CCSER1: variants seen among roughly 807,000 people sequenced by gnomAD.
The protein encoded by CCSER1 is serine-rich coiled-coil domain-containing protein 1.
CCSER1 carries 41 observed loss-of-function variants against 82.0 expected under a neutral mutation model. The ratio of observed to expected loss-of-function variants is 0.50; its 90% CI spans 0.39 to 0.65. CCSER1 has a LOEUF of 0.65. CCSER1 is among the 30% of genes least tolerant of loss of function. CCSER1 has a pLI of 0.00. For synonymous variants in CCSER1, 414 were observed against 383.9 expected, an observed-to-expected ratio of 1.08 and a Z score of -0.92; for missense variants, 1,119 against 1,064.2, an observed-to-expected ratio of 1.05 and a Z score of -0.72.
chr4:91,413,091 A>T (rs13115481), intron 10 of CCSER1, among the ~76,000 whole-genome samples: 7 of 152,174 alleles, frequency 4.6e-5, no homozygotes, highest in Admixed American at 1.3e-4. Context: ...ATAGAAATTT[A>T]AAAAATTAAT....
chr4:90,353,898 A>G (rs1743947475), intron 3 of CCSER1, among the ~76,000 whole-genome samples: 1 of 152,180 alleles, frequency 6.6e-6, no homozygotes, highest in South Asian at 2.1e-4. Flanking sequence ...TTAAAAATAG[A>G]TCTGTCATAT....
chr4:90,904,251 A>G (rs1010520300), intron 8 of CCSER1, among the ~76,000 whole-genome samples: 18 of 152,126 alleles, frequency 1.2e-4, no homozygotes, highest in South Asian at 2.1e-4. Context: ...CAGTGCCAAT[A>G]CCAACTGTAA....
At chr4:91,064,166 G>A (rs768352303) in intron 9 of CCSER1, among the ~76,000 whole-genome samples, 1 of 152,082 alleles carries the variant, frequency 6.6e-6, no homozygotes, top group African/African-American at 2.4e-5. Flanking sequence ...TGTAACATTG[G>A]GTTATTCAGC....
chr4:90,918,446 T>C, intron 8 of CCSER1: 1 of 339,006 alleles, frequency 2.9e-6, no homozygotes, highest in Non-Finnish European at 5.8e-6. Flanking sequence ...ATATCCCTAG[T>C]CACTTGAGAC....
chr4:91,121,919 A>G (rs1388479082), intron 10 of CCSER1, among the ~76,000 whole-genome samples: 2 of 151,704 alleles, frequency 1.3e-5, no homozygotes, highest in Admixed American at 1.3e-4. Context: ...GTCAAAAGAA[A>G]TTAAGTAGAA....
chr4:90,260,838 C>T (rs1314264661), intron 1 of CCSER1, among the ~76,000 whole-genome samples: 2 of 152,186 alleles, frequency 1.3e-5, no homozygotes, highest in Admixed American at 6.5e-5. Context: ...GCCTCAGCCT[C>T]CCGAGTAGCT....
chr4:90,773,639 C>T (rs1385629427), intron 7 of CCSER1, among the ~76,000 whole-genome samples: 1 of 152,068 alleles, frequency 6.6e-6, no homozygotes, highest in South Asian at 2.1e-4. Context: ...GAATGGAAAA[C>T]CAGGTGTTGG....
intron 10 of CCSER1, among the ~76,000 whole-genome samples, chr4:91,214,009 C>G (rs1737041988): frequency 6.6e-6 from 1 of 152,112 alleles, no homozygotes; most frequent in Non-Finnish European, 1.5e-5. Context: ...ACTTAGAGAA[C>G]TAGACCTTAT....
intron 9 of CCSER1, among the ~76,000 whole-genome samples, chr4:91,014,640 AAGCCAGATTCTTAT>A (rs1739266811): frequency 2.4e-5 from 2 of 82,784 alleles, no homozygotes; most frequent in East Asian, 5.1e-4. Context: ...CTTTTTAACA[AAGCCAGATTCTTAT>A]TTTTTGACAA....
intron 10 of CCSER1, among the ~76,000 whole-genome samples, chr4:91,426,469 T>G (rs1753978925): frequency 6.6e-6 from 1 of 152,038 alleles, no homozygotes; most frequent in Admixed American, 6.6e-5. Context: ...CCACACTGTC[T>G]TCCACAATGG....
rs771267852 is a variant in CCSER1, at chr4:90,932,982, G to GAAAGAGAAAGAA, written c.2172+9536_2172+9537insAAGAGAAAGAAA. ...AGAAAGAAAGAAAGAAAGAAAGAAA[G>GAAAGAGAAAGAA]AGAAAGAAAGAAAGAAAGAAAGAAA... On this transcript the variant is annotated intron_variant, in intron 9 of 10. Coordinates refer to ENST00000509176, the MANE Select transcript of CCSER1 (RefSeq NM_001145065.2). Among the ~76,000 whole-genome samples, 4 of 18,862 alleles carry GAAAGAGAAAGAA rather than the reference G, an allele frequency of 2.1e-4. No individual in the cohort carries two copies. In the East Asian group the frequency reaches 3.7e-3, roughly 17 times the overall value. 12.4% of individuals were successfully genotyped at this position (18,862 alleles called of 152,430 possible).
At chr4:91,216,993 G>A (rs1404532128) in intron 10 of CCSER1, among the ~76,000 whole-genome samples, 2 of 152,132 alleles carry the variant, frequency 1.3e-5, no homozygotes, top group Non-Finnish European at 2.9e-5. Context: ...GAATGAAGCC[G>A]CGGACCCTCG....
At chr4:91,487,988 AAATT>A (rs1758311974) in intron 10 of CCSER1, among the ~76,000 whole-genome samples, 1 of 152,082 alleles carries the variant, frequency 6.6e-6, no homozygotes, top group Admixed American at 6.5e-5. Context: ...AATTAATAAA[AAATT>A]AAATACGATC....
rs548529001 is a variant in CCSER1 at position 90,238,400 on chromosome 4, A to G, written c.-41-69844A>G. Among the ~76,000 whole-genome samples the G allele has an allele frequency of 1.8e-4, 28 of 152,344 alleles. No homozygotes were observed. The South Asian group carries it at 5.0e-3, about 27-fold the overall frequency. ...AATGAAGTAAAGCTTGTGAGGTATT[A>G]GAGAGCTCAGTCTGGCATTGTACAA... On this transcript the variant is annotated intron_variant, in intron 1 of 10. Coordinates refer to ENST00000509176, the MANE Select transcript of CCSER1 (RefSeq NM_001145065.2).
chr4:91,315,284 C>T (rs113410768), intron 10 of CCSER1, among the ~76,000 whole-genome samples: 9 of 151,904 alleles, frequency 5.9e-5, no homozygotes, highest in African/African-American at 2.2e-4. Flanking sequence ...GGAAGCCAGC[C>T]CCATACATTC....
intron 5 of CCSER1, among the ~76,000 whole-genome samples, chr4:90,494,763 T>G (rs552465737): frequency 4.7e-4 from 71 of 152,256 alleles, no homozygotes; most frequent in African/African-American, 1.5e-3. Context: ...TATTACTAAA[T>G]CAACTCCCTA....
chr4:91,099,437 T>C (rs557803917), intron 10 of CCSER1, among the ~76,000 whole-genome samples: 7 of 152,258 alleles, frequency 4.6e-5, no homozygotes, highest in Admixed American at 3.3e-4. Flanking sequence ...TTTATACTTA[T>C]TGTCAATGAA....
chr4:90,584,663 A>C (rs1354857729), intron 5 of CCSER1, among the ~76,000 whole-genome samples: 1 of 152,232 alleles, frequency 6.6e-6, no homozygotes. Flanking sequence ...AAATTTAGCC[A>C]GGAAAATATG....
intron 10 of CCSER1, among the ~76,000 whole-genome samples, chr4:91,146,277 G>C (rs1408000743): frequency 2.0e-5 from 3 of 152,166 alleles, no homozygotes; most frequent in Non-Finnish European, 4.4e-5. Flanking sequence ...CAGAATTTCA[G>C]TGGGTTCCTT....
Sources: gnomAD v4.1 joint callset for allele counts (sites outside exome capture counted in the v4.1 genomes callset) on GRCh38, gnomAD v4.1.1 for gene constraint, MANE v1.5 for transcripts, NCBI Gene and HGNC (gene_info 2026-07-23, HGNC 2026-07-21) for gene names.